Variants in PHEX observed in about 807,000 individuals in gnomAD.
PHEX encodes the protein phosphate regulating endopeptidase X-linked, also known as phosphate-regulating neutral endopeptidase PHEX.
PHEX carries 16 observed loss-of-function variants against 68.0 expected under a neutral mutation model. The ratio of observed to expected loss-of-function variants is 0.24; its 90% CI spans 0.16 to 0.36. The LOEUF is 0.36. Ranked by LOEUF, PHEX falls within the 10% of genes least tolerant of loss-of-function variation. The pLI is 1.00. For synonymous variants in PHEX, 208 were observed against 205.1 expected (o/e 1.01, Z -0.12); for missense variants, 480 against 575.5 (o/e 0.83, Z 1.70).
intron 15 of PHEX, among the ~76,000 whole-genome samples, chrX:22,203,155 C>T (rs1276734976): frequency 9.0e-6 from 1 of 111,448 alleles, no homozygotes; most frequent in East Asian, 2.8e-4. Context: ...CCAGGAGCCC[C>T]TTCTGTCCCA....
At chrX:22,190,195 TGTTAA>T (rs1382509746) in intron 14 of PHEX, among the ~76,000 whole-genome samples, 1 of 112,506 alleles carries the variant, frequency 8.9e-6, no homozygotes, top group Non-Finnish European at 1.9e-5. Context: ...ACTTTTTTTC[TGTTAA>T]GTTAGTAACA....
At position 22,212,968 on chromosome X, in the gene PHEX, T is replaced by C; in HGVS notation, c.1700+10T>C. ...GAACAGAATATCCTCGGTGAGTAAA[T>C]GAGTACAGAAACCAGTTACTGACCA... On this transcript the variant is annotated intron_variant, in intron 16 of 21. Coordinates refer to ENST00000379374, the MANE Select transcript of PHEX (RefSeq NM_000444.6). The C allele has an allele frequency of 8.6e-7, 1 of 1,163,300 alleles. No individual in the cohort carries two copies. The highest frequency in any genetic ancestry group is 1.2e-6 in the Non-Finnish European group (1 of 851,260).
At chrX:22,154,746 G>T (rs1006918838) in intron 12 of PHEX, among the ~76,000 whole-genome samples, 2 of 111,839 alleles carry the variant, frequency 1.8e-5, no homozygotes, top group Admixed American at 1.9e-4. Flanking sequence ...CCACAAATTT[G>T]TGTTTTCAAC....
At chrX:22,134,989 A>C (rs1218576357) in intron 12 of PHEX, among the ~76,000 whole-genome samples, 2 of 112,215 alleles carry the variant, frequency 1.8e-5, no homozygotes, top group East Asian at 5.5e-4. Context: ...AAATGAGAAC[A>C]CGTAGAGTTT....
At chrX:22,089,005 T>C (rs765544903) in intron 5 of PHEX, among the ~76,000 whole-genome samples, 223 of 112,224 alleles carry the variant, frequency 2.0e-3, no homozygotes, top group African/African-American at 7.0e-3. Flanking sequence ...GTTTATTTTC[T>C]TTTTGCTTAT....
chrX:22,249,452 AAAAATATATAT>A lies in PHEX; in HGVS notation c.*1501_*1511del, dbSNP rs1225301474. ...GATTTGTGATTCTTTTAAAAAAAAAAAAAATATATATATATATATATATATATATATATATG... is the reference window on the plus strand; with the variant it reads ...GATTTGTGATTCTTTTAAAAAAAAAAATATATATATATATATATATATATG... On this transcript the variant is annotated 3_prime_UTR_variant, in exon 22 of 22. Coordinates refer to ENST00000379374, the MANE Select transcript of PHEX (RefSeq NM_000444.6). 4.1e-3 allele frequency: 167 copies of A among 40,618 alleles called. 5 individuals are homozygous for A. Among genetic ancestry groups the A allele is most frequent in the African/African-American group, 0.017 (151 of 8,862 alleles). 3.3% of individuals were successfully genotyped at this position (40,618 alleles called of 1,213,427 possible). A position where few individuals can be genotyped will look rare whatever the true frequency, so the allele number is the denominator to read the frequency against.
At chrX:22,204,864 T>G (rs1056624154) in intron 15 of PHEX, among the ~76,000 whole-genome samples, 1 of 111,158 alleles carries the variant, frequency 9.0e-6, no homozygotes, top group Non-Finnish European at 1.9e-5. Flanking sequence ...AGCCCTGAAA[T>G]GTGGACTGAT....
chrX:22,147,166 T>C (rs1298371587), intron 12 of PHEX, among the ~76,000 whole-genome samples: 1 of 111,866 alleles, frequency 8.9e-6, no homozygotes, highest in Non-Finnish European at 1.9e-5. Context: ...TTTTTTGTTA[T>C]CCAAATCCAA....
chrX:22,209,954 A>T (rs945694871), intron 15 of PHEX, among the ~76,000 whole-genome samples: 4 of 109,831 alleles, frequency 3.6e-5, no homozygotes, highest in Non-Finnish European at 5.7e-5. Context: ...AAAAAAAAAA[A>T]ATAAATAAAT....
chrX:22,093,986 C>T lies in PHEX; in HGVS notation c.736C>T (p.Arg246Trp). Residue 246 changes from arginine (R) to tryptophan (W), a missense_variant, in exon 7 of 22, where the codon CGG becomes TGG. Arg to Trp is a moderately radical substitution (Grantham distance 101). Transcript: ENST00000379374. ...CTTTGTTCTTTATTTCTTACAGTATCGGGATGCCCTTTACAAGTTCATGGT... is the reference window on the plus strand; with the variant it reads ...CTTTGTTCTTTATTTCTTACAGTATTGGGATGCCCTTTACAAGTTCATGGT... ...LDNSTEAKSYRDALYKFMVDT... is the reference protein window; with the variant it reads ...LDNSTEAKSYWDALYKFMVDT... 2 of 1,160,289 alleles carry T rather than the reference C, an allele frequency of 1.7e-6. No homozygotes were observed. Among genetic ancestry groups the T allele is most frequent in the Non-Finnish European group, 2.4e-6 (2 of 849,937 alleles).
At chrX:22,222,913 C>T (rs1164652835) in intron 18 of PHEX, among the ~76,000 whole-genome samples, 1 of 111,839 alleles carries the variant, frequency 8.9e-6, no homozygotes, top group Non-Finnish European at 1.9e-5. Flanking sequence ...TGTACGACTC[C>T]AAAGTCCATA....
rs190057577 is a variant in PHEX, at chrX:22,242,832, A to G, written c.2071-2501A>G. Among the ~76,000 whole-genome samples the G allele has an allele frequency of 3.1e-3, 351 of 112,297 alleles. 2 individuals are homozygous for G. The highest frequency in any genetic ancestry group is 0.01 in the African/African-American group (324 of 30,893). On this transcript the variant is annotated intron_variant, in intron 20 of 21. Coordinates refer to ENST00000379374, the MANE Select transcript of PHEX (RefSeq NM_000444.6). ...ATGCTCATGGATAGGAAGAATCAAT[A>G]TCGTGAAAATGGCCATACTGCTCAA...
chrX:22,085,007 T>C (rs1929566243), intron 5 of PHEX, among the ~76,000 whole-genome samples: 1 of 111,219 alleles, frequency 9.0e-6, no homozygotes, highest in African/African-American at 3.3e-5. Flanking sequence ...TAATCTTTAT[T>C]ATCTCTGTCT....
chrX:22,115,863 G>T (rs1931212720), intron 11 of PHEX, among the ~76,000 whole-genome samples: 1 of 112,222 alleles, frequency 8.9e-6, no homozygotes, highest in Non-Finnish European at 1.9e-5. Context: ...TCCATTGAAG[G>T]GTATTTAGGT....
chrX:22,177,185 C>A (rs1249946897), intron 13 of PHEX, among the ~76,000 whole-genome samples: 1 of 111,595 alleles, frequency 9.0e-6, no homozygotes, highest in Non-Finnish European at 1.9e-5. Context: ...AAGTAGGTGA[C>A]TGTCGAGCCT....
At chrX:22,240,171 T>C (rs970972234) in intron 20 of PHEX, among the ~76,000 whole-genome samples, 3 of 111,929 alleles carry the variant, frequency 2.7e-5, no homozygotes. Context: ...AATAAAATCC[T>C]TTACAGACAA....
chrX:22,242,848 T>C (rs1354620901), intron 20 of PHEX, among the ~76,000 whole-genome samples: 1 of 111,882 alleles, frequency 8.9e-6, no homozygotes, highest in Non-Finnish European at 1.9e-5. Context: ...AAAATGGCCA[T>C]ACTGCTCAAG....
chrX:22,162,145 G>A (rs1412388954), intron 12 of PHEX, among the ~76,000 whole-genome samples: 1 of 111,961 alleles, frequency 8.9e-6, no homozygotes, highest in Non-Finnish European at 1.9e-5. Context: ...TTTCAGAGGT[G>A]TGCCAATAGT....
intron 3 of PHEX, among the ~76,000 whole-genome samples, chrX:22,071,720 G>C (rs1266963902): frequency 1.8e-5 from 2 of 112,754 alleles, no homozygotes; most frequent in African/African-American, 6.4e-5. Flanking sequence ...GGGTTACAAA[G>C]GCATGGTTGT....
Sources: gnomAD v4.1 joint callset for allele counts (sites outside exome capture counted in the v4.1 genomes callset) on GRCh38, gnomAD v4.1.1 for gene constraint, MANE v1.5 for transcripts, NCBI Gene and HGNC (gene_info 2026-07-23, HGNC 2026-07-21) for gene names.